RAB38: variants seen among roughly 807,000 people sequenced by gnomAD.
The protein encoded by RAB38 is ras-related protein Rab-38.
RAB38 carries 15 observed loss-of-function variants against 18.4 expected under a neutral mutation model. The observed-to-expected ratio is 0.82, with a 90% CI of 0.55 to 1.26. RAB38 has a LOEUF of 1.26. Among genes scored for constraint, RAB38 ranks in the 50% most tolerant of loss-of-function variants. The probability of loss-of-function intolerance (pLI) is 0.00; values close to 1 mark genes in which losing one functional copy is unlikely to be tolerated. For synonymous variants in RAB38, 101 were observed against 104.4 expected, an observed-to-expected ratio of 0.97 and a Z score of 0.20; for missense variants, 294 against 267.4, an observed-to-expected ratio of 1.10 and a Z score of -0.69.
At chr11:88,166,498 A>T (rs1176701908) in intron 1 of RAB38, 1 of 151,916 alleles carries the variant, frequency 6.6e-6, no homozygotes, top group East Asian at 1.9e-4. Flanking sequence ...AACTAATGTC[A>T]CCTCCCTTCC....
chr11:88,116,444 T>C (rs1392546499), intron 2 of RAB38, among the ~76,000 whole-genome samples: 1 of 152,172 alleles, frequency 6.6e-6, no homozygotes, highest in Non-Finnish European at 1.5e-5. Flanking sequence ...ATACCCCAAA[T>C]ACCAAACATG....
At chr11:87,828,569 G>A in the RAB38 span, among the ~76,000 whole-genome samples, 3 of 152,304 alleles carry the variant, frequency 2.0e-5, no homozygotes, top group African/African-American at 7.2e-5. Flanking sequence ...CATATAGCCA[G>A]TGAGTAAGGA....
chr11:87,947,791 G>C, the RAB38 span, among the ~76,000 whole-genome samples: 1 of 152,166 alleles, frequency 6.6e-6, no homozygotes, highest in East Asian at 1.9e-4. Context: ...TTTGGTTACT[G>C]TAGCTTTGTA....
the RAB38 span, among the ~76,000 whole-genome samples, chr11:88,033,360 T>C: frequency 6.7e-6 from 1 of 149,172 alleles, no homozygotes; most frequent in Non-Finnish European, 1.5e-5. Flanking sequence ...ACATGTACCC[T>C]AAAACTTAAA....
the RAB38 span, among the ~76,000 whole-genome samples, chr11:88,008,764 C>T: frequency 1.3e-5 from 2 of 152,238 alleles, no homozygotes; most frequent in Admixed American, 1.3e-4. Context: ...AGCTCCGCCT[C>T]GCGGATTCAC....
chr11:87,902,449 T>C, the RAB38 span, among the ~76,000 whole-genome samples: 1 of 151,550 alleles, frequency 6.6e-6, no homozygotes, highest in Non-Finnish European at 1.5e-5. Context: ...TTTTGATATA[T>C]TGATTTTTTG....
At chr11:88,071,330 A>G in the RAB38 span, among the ~76,000 whole-genome samples, 1 of 152,094 alleles carries the variant, frequency 6.6e-6, no homozygotes, top group African/African-American at 2.4e-5. Context: ...CCACCTGCCT[A>G]TGATGTACGG....
chr11:87,958,138 GC>G, the RAB38 span, among the ~76,000 whole-genome samples: 2 of 152,094 alleles, frequency 1.3e-5, no homozygotes, highest in African/African-American at 4.8e-5. Context: ...GGCAGCCACT[GC>G]CCCCAGTCAG....
the RAB38 span, among the ~76,000 whole-genome samples, chr11:87,960,380 A>AAC: frequency 1.8e-5 from 2 of 112,640 alleles, no homozygotes; most frequent in African/African-American, 6.9e-5. Flanking sequence ...GGAAGACAAC[A>AAC]AAAAAAAGAA....
chr11:87,925,964 A>C, the RAB38 span, among the ~76,000 whole-genome samples: 3 of 151,864 alleles, frequency 2.0e-5, no homozygotes, highest in Admixed American at 2.0e-4. Flanking sequence ...AGGGAACAGC[A>C]ATGTCTTAGT....
At chr11:88,094,661 C>T in the RAB38 span, among the ~76,000 whole-genome samples, 3 of 151,782 alleles carry the variant, frequency 2.0e-5, no homozygotes, top group Admixed American at 6.6e-5. Flanking sequence ...ATTAAATCAC[C>T]AACTCAAGTT....
intron 2 of RAB38, 92 bp downstream of exon 2, chr11:88,149,582 CA>C: frequency 7.1e-7 from 1 of 1,418,170 alleles, no homozygotes; most frequent in African/African-American, 1.4e-5. Flanking sequence ...ACTAAACAAA[CA>C]TATTATTATC....
chr11:87,824,303 C>T, the RAB38 span, among the ~76,000 whole-genome samples: 9 of 152,158 alleles, frequency 5.9e-5, no homozygotes, highest in African/African-American at 2.2e-4. Context: ...TGGAGGCTTT[C>T]CAGAAAACAT....
chr11:87,847,674 C>T, the RAB38 span, among the ~76,000 whole-genome samples: 1 of 152,012 alleles, frequency 6.6e-6, no homozygotes, highest in South Asian at 2.1e-4. Context: ...TGCAGCAGAA[C>T]AAGACTCATG....
At chr11:87,901,865 T>A in the RAB38 span, among the ~76,000 whole-genome samples, 1 of 151,592 alleles carries the variant, frequency 6.6e-6, no homozygotes, top group South Asian at 2.1e-4. Context: ...GACTTTGGTA[T>A]GGCCTATGTA....
At chr11:87,853,709 T>C in the RAB38 span, among the ~76,000 whole-genome samples, 9 of 152,222 alleles carry the variant, frequency 5.9e-5, no homozygotes, top group Admixed American at 5.9e-4. Flanking sequence ...TTCAGAAAAG[T>C]CTTGAATTTG....
At chr11:87,839,425 T>G in the RAB38 span, among the ~76,000 whole-genome samples, 36 of 152,178 alleles carry the variant, frequency 2.4e-4, no homozygotes, top group African/African-American at 8.4e-4. Context: ...CACAGGAGTA[T>G]ACATAGGCTA....
chr11:88,055,586 A>C, the RAB38 span, among the ~76,000 whole-genome samples: 1 of 152,218 alleles, frequency 6.6e-6, no homozygotes, highest in Non-Finnish European at 1.5e-5. Context: ...TTATCATGAA[A>C]GAGGTACTGT....
chr11:87,951,387 C>T, the RAB38 span, among the ~76,000 whole-genome samples: 3 of 152,100 alleles, frequency 2.0e-5, no homozygotes, highest in African/African-American at 7.2e-5. Flanking sequence ...GCCTTCTTGT[C>T]TCAACTCGTC....
Sources: allele counts gnomAD v4.1 joint callset (sites outside exome capture counted in the v4.1 genomes callset), GRCh38; gene constraint gnomAD v4.1.1; transcripts MANE v1.5; gene names NCBI Gene and HGNC (gene_info 2026-07-23, HGNC 2026-07-21).